The following LHFPL3 variants were observed in gnomAD, a reference collection of about 807,000 sequenced individuals.
LHFPL3 encodes the protein LHFPL tetraspan subfamily member 3 protein.
Under a neutral mutation model 19.3 loss-of-function variants are expected in LHFPL3, and 5 were observed. The observed-to-expected ratio is 0.26, with a 90% confidence interval of 0.14 to 0.54. The LOEUF (loss-of-function observed/expected upper bound fraction) is 0.54, where lower values mean the gene tolerates loss of function less well. Ranked by LOEUF, LHFPL3 falls within the 20% of genes least tolerant of loss-of-function variation. The pLI is 0.94. For synonymous variants in LHFPL3, 133 were observed against 126.2 expected (o/e 1.05, Z -0.36); for missense variants, 249 against 307.4 (o/e 0.81, Z 1.42).
At chr7:104,845,312 T>A in intron 2 of LHFPL3, 1 of 860,560 alleles carries the variant, frequency 1.2e-6, no homozygotes, top group Non-Finnish European at 1.9e-6. Flanking sequence ...TCAGTTTTAA[T>A]CTTTAAAAAA....
intron 1 of LHFPL3, among the ~76,000 whole-genome samples, chr7:104,389,201 A>G (rs1216257792): frequency 6.6e-6 from 1 of 152,326 alleles, no homozygotes; most frequent in East Asian, 1.9e-4. Flanking sequence ...TCAATATACA[A>G]CAATCAATTG....
At chr7:104,819,668 C>T (rs764187902) in intron 2 of LHFPL3, among the ~76,000 whole-genome samples, 57 of 152,324 alleles carry the variant, frequency 3.7e-4, no homozygotes, top group Admixed American at 7.2e-4. Flanking sequence ...ACTTTAAATG[C>T]GATTCACAGG....
At chr7:104,628,779 G>A (rs1488209649) in intron 1 of LHFPL3, among the ~76,000 whole-genome samples, 1 of 152,050 alleles carries the variant, frequency 6.6e-6, no homozygotes, top group Non-Finnish European at 1.5e-5. Context: ...CTAACGTTTG[G>A]TTCCTTTTTC....
intron 1 of LHFPL3, among the ~76,000 whole-genome samples, chr7:104,413,616 C>T (rs1791571097): frequency 6.6e-6 from 1 of 152,178 alleles, no homozygotes; most frequent in African/African-American, 2.4e-5. Flanking sequence ...CTCCAGAGTC[C>T]ATATTCATGA....
chr7:104,566,424 A>G (rs887496725), intron 1 of LHFPL3, among the ~76,000 whole-genome samples: 2 of 151,944 alleles, frequency 1.3e-5, no homozygotes, highest in African/African-American at 4.8e-5. Context: ...AAATACCCTG[A>G]CCTCTCCTGA....
intron 1 of LHFPL3, among the ~76,000 whole-genome samples, chr7:104,348,278 G>A (rs1790110670): frequency 6.6e-6 from 1 of 152,156 alleles, no homozygotes; most frequent in African/African-American, 2.4e-5. Flanking sequence ...CCAGCTATTG[G>A]AGGCTGAGGC....
At chr7:104,768,273 G>T (rs1359900781) in intron 2 of LHFPL3, among the ~76,000 whole-genome samples, 1 of 152,192 alleles carries the variant, frequency 6.6e-6, no homozygotes, top group East Asian at 1.9e-4. Context: ...TGGGCTGAGG[G>T]AGTCTGAGAA....
intron 1 of LHFPL3, among the ~76,000 whole-genome samples, chr7:104,676,504 A>G (rs1237401968): frequency 6.6e-6 from 1 of 152,232 alleles, no homozygotes; most frequent in Non-Finnish European, 1.5e-5. Context: ...AGTCTCATCC[A>G]TAAACTTCCC....
chr7:104,565,555 T>C (rs1442775950), intron 1 of LHFPL3, among the ~76,000 whole-genome samples: 1 of 152,212 alleles, frequency 6.6e-6, no homozygotes, highest in Non-Finnish European at 1.5e-5. Flanking sequence ...ATGAAAGCTG[T>C]TAGAATGTTT....
At position 104,414,096 on chromosome 7, in the gene LHFPL3, G is replaced by GA. The variant is rs5886317; in HGVS notation, c.445+84883dup. ...GTACTGTATTCCTCATTATTTCAGT[G>GA]AAAAAAAAAAACTATCGCACAGAAG... is the stretch of plus-strand genomic sequence containing the variant. On this transcript the variant is annotated intron_variant, in intron 1 of 2. Coordinates refer to ENST00000424859, the MANE Select transcript of LHFPL3 (RefSeq NM_199000.3). Among the ~76,000 whole-genome samples, 147 of 143,866 alleles carry GA rather than the reference G, an allele frequency of 1.0e-3. 1 individual carries two copies. Among genetic ancestry groups the GA allele is most frequent in the Admixed American group, 3.5e-3 (51 of 14,382 alleles). The allele number at this position is 143,866 out of a possible 152,430, so 94.4% of individuals were successfully genotyped here.
At chr7:104,892,536 C>A (rs962809862) in intron 2 of LHFPL3, among the ~76,000 whole-genome samples, 1 of 151,560 alleles carries the variant, frequency 6.6e-6, no homozygotes, top group Admixed American at 6.6e-5. Context: ...CATAGAGAAA[C>A]CCCGTCTCTA....
At chr7:104,756,530 C>T (rs959463010) in intron 2 of LHFPL3, among the ~76,000 whole-genome samples, 1 of 152,134 alleles carries the variant, frequency 6.6e-6, no homozygotes, top group Admixed American at 6.6e-5. Context: ...TAGACAGTCT[C>T]ACTCTGTCAC....
chr7:104,702,234 T>C (rs1793117828), intron 1 of LHFPL3, among the ~76,000 whole-genome samples: 1 of 152,224 alleles, frequency 6.6e-6, no homozygotes, highest in Admixed American at 6.5e-5. Context: ...TATGGCATCC[T>C]GTTCTTGACT....
chr7:104,821,865 AG>A (rs1790681780), intron 2 of LHFPL3, among the ~76,000 whole-genome samples: 1 of 152,220 alleles, frequency 6.6e-6, no homozygotes, highest in South Asian at 2.1e-4. Flanking sequence ...TTGCAAACAT[AG>A]ATTAAGTAGT....
At chr7:104,514,806 T>C (rs1215986665) in intron 1 of LHFPL3, among the ~76,000 whole-genome samples, 1 of 152,142 alleles carries the variant, frequency 6.6e-6, no homozygotes, top group Non-Finnish European at 1.5e-5. Context: ...TTCTCTAGGG[T>C]GATTGAATAT....
intron 1 of LHFPL3, among the ~76,000 whole-genome samples, chr7:104,599,204 G>GCCTATA (rs1790919370): frequency 6.6e-6 from 1 of 151,878 alleles, no homozygotes; most frequent in African/African-American, 2.4e-5. Flanking sequence ...AATCAATGAG[G>GCCTATA]GTTATTCCTA....
chr7:104,408,319 G>A (rs922924575), intron 1 of LHFPL3, among the ~76,000 whole-genome samples: 2 of 151,320 alleles, frequency 1.3e-5, no homozygotes, highest in Non-Finnish European at 2.9e-5. Flanking sequence ...TTAACCAATA[G>A]CAAGGGTTAA....
chr7:104,411,721 C>T (rs982973510), intron 1 of LHFPL3, among the ~76,000 whole-genome samples: 12 of 151,774 alleles, frequency 7.9e-5, no homozygotes, highest in African/African-American at 2.4e-4. Context: ...AGCACATACA[C>T]GAAAAGAAGT....
At chr7:104,477,425 C>T (rs1793043343) in intron 1 of LHFPL3, among the ~76,000 whole-genome samples, 2 of 152,176 alleles carry the variant, frequency 1.3e-5, no homozygotes, top group Admixed American at 6.5e-5. Flanking sequence ...AATGTGGTCT[C>T]TGCTCCCATG....
Sources: gnomAD v4.1 joint callset for allele counts (sites outside exome capture counted in the v4.1 genomes callset) on GRCh38, gnomAD v4.1.1 for gene constraint, MANE v1.5 for transcripts, NCBI Gene and HGNC (gene_info 2026-07-23, HGNC 2026-07-21) for gene names.